Variants in RNF144A observed in about 807,000 individuals in gnomAD.
The protein encoded by RNF144A is ring finger protein 144A, also known as E3 ubiquitin-protein ligase RNF144A.
RNF144A carries 11 observed loss-of-function variants against 38.7 expected under a neutral mutation model. The observed-to-expected ratio is 0.28, with a 90% CI of 0.18 to 0.47. The LOEUF (loss-of-function observed/expected upper bound fraction) is 0.47. RNF144A is among the 20% of genes least tolerant of loss of function. The pLI, the probability that RNF144A is intolerant of heterozygous loss-of-function variation, is 0.99. For synonymous variants in RNF144A, 149 were observed against 143.9 expected (o/e 1.04, Z -0.25); for missense variants, 316 against 377.2 (o/e 0.84, Z 1.34).
chr2:6,976,034 C>T (rs896737549), intron 2 of RNF144A, among the ~76,000 whole-genome samples: 1 of 152,158 alleles, frequency 6.6e-6, no homozygotes, highest in African/African-American at 2.4e-5. Context: ...ATGGTTTAGT[C>T]CACAGCCTGC....
chr2:7,024,185 T>G (rs961833141), intron 6 of RNF144A, among the ~76,000 whole-genome samples, 184 bp from the exon 7 acceptor site: 8 of 135,770 alleles, frequency 5.9e-5, no homozygotes, highest in Non-Finnish European at 1.2e-4. Context: ...ATTCACAGTG[T>G]TCTGGTTAAT....
intron 5 of RNF144A, among the ~76,000 whole-genome samples, chr2:7,015,202 A>T (rs1407916386): frequency 6.6e-6 from 1 of 152,202 alleles, no homozygotes; most frequent in Non-Finnish European, 1.5e-5. Context: ...TCCTAACAAC[A>T]GTCCGATGGT....
At chr2:6,951,317 G>T (rs1190033447) in intron 2 of RNF144A, among the ~76,000 whole-genome samples, 2 of 151,344 alleles carry the variant, frequency 1.3e-5, no homozygotes, top group East Asian at 3.9e-4. Flanking sequence ...AACTTGGTTA[G>T]GTTGCCCACC....
chr2:6,951,845 AT>A (rs1020857755), intron 2 of RNF144A, among the ~76,000 whole-genome samples: 5 of 152,108 alleles, frequency 3.3e-5, no homozygotes, highest in African/African-American at 7.2e-5. Context: ...CATATACTGT[AT>A]TTTTAAATAA....
At chr2:7,051,786 G>A (rs1673537395) in intron 6 of RNF144A, among the ~76,000 whole-genome samples, 4 of 152,210 alleles carry the variant, frequency 2.6e-5, no homozygotes, top group African/African-American at 9.7e-5. Context: ...CTACTTGGGA[G>A]GCTGAGGCAG....
intron 6 of RNF144A, among the ~76,000 whole-genome samples, chr2:7,023,138 C>T (rs1190583767): frequency 1.3e-5 from 2 of 152,208 alleles, no homozygotes; most frequent in African/African-American, 2.4e-5. Flanking sequence ...TAGGATCTGT[C>T]TGTCTCAAGA....
At chr2:7,050,156 C>T (rs1457851400) in intron 6 of RNF144A, among the ~76,000 whole-genome samples, 1 of 152,148 alleles carries the variant, frequency 6.6e-6, no homozygotes, top group Non-Finnish European at 1.5e-5. Context: ...GGCTGTGTCC[C>T]CACCCAAATC....
At chr2:6,977,779 A>G (rs1402087101) in intron 2 of RNF144A, among the ~76,000 whole-genome samples, 1 of 152,228 alleles carries the variant, frequency 6.6e-6, no homozygotes, top group Non-Finnish European at 1.5e-5. Context: ...GCAAATAAAA[A>G]CTACTGCCCT....
chr2:6,990,228 G>A (rs1029819594), intron 2 of RNF144A, among the ~76,000 whole-genome samples: 1 of 152,006 alleles, frequency 6.6e-6, no homozygotes, highest in African/African-American at 2.4e-5. Context: ...GCTTACAGAG[G>A]CTGCCTTCTT....
chr2:7,044,266 A>C, downstream of RNF144A: 2 of 858,280 alleles, frequency 2.3e-6, no homozygotes, highest in Non-Finnish European at 2.8e-6. Context: ...TCAATATTTA[A>C]TCTATTGAAG....
At chr2:7,047,280 G>A (rs1673345151), downstream of RNF144A, among the ~76,000 whole-genome samples, 1 of 152,176 alleles carries the variant, frequency 6.6e-6, no homozygotes, top group Non-Finnish European at 1.5e-5. Context: ...GTGTGTGACT[G>A]TGTGTATGAA....
intron 1 of RNF144A, among the ~76,000 whole-genome samples, chr2:6,932,046 T>C (rs1665237760): frequency 6.6e-6 from 1 of 152,358 alleles, no homozygotes; most frequent in South Asian, 2.1e-4. Context: ...TGGATTTGTC[T>C]GTTTCTCCCT....
intron 2 of RNF144A, among the ~76,000 whole-genome samples, chr2:6,991,485 A>G (rs765513231): frequency 8.5e-5 from 13 of 152,300 alleles, no homozygotes; most frequent in Non-Finnish European, 1.5e-4. Context: ...TTATATCTCT[A>G]CAAATCCAAA....
At position 6,943,335 on chromosome 2, in the gene RNF144A, G is replaced by A. The variant is rs551960604; in HGVS notation, c.-12+2188G>A. The stretch of plus-strand genomic sequence containing the variant: ...TGGAGAGGACTGAGAATGGAGGCTC[G>A]GATCAGTGCCAGGACCAGTGGTCCA... On this transcript the variant is annotated intron_variant, in intron 2 of 8. Coordinates refer to ENST00000320892, the MANE Select transcript of RNF144A (RefSeq NM_014746.6). This position sits in a 1 kb window ranked among gnomAD's most constrained non-coding sequence, Gnocchi z 4.3. Among the ~76,000 whole-genome samples, 8 of 152,168 alleles carry A rather than the reference G, an allele frequency of 5.3e-5. No homozygotes were observed. The East Asian group carries it at 7.7e-4, about 15-fold the overall frequency.
chr2:7,032,728 A>G (rs768721512), intron 8 of RNF144A, among the ~76,000 whole-genome samples: 3 of 152,124 alleles, frequency 2.0e-5, no homozygotes, highest in Non-Finnish European at 1.5e-5. Flanking sequence ...CACGCTAATC[A>G]CCTCATGGTA....
downstream of RNF144A, among the ~76,000 whole-genome samples, chr2:7,048,051 A>T (rs760536792): frequency 6.6e-6 from 1 of 152,150 alleles, no homozygotes; most frequent in Non-Finnish European, 1.5e-5. Flanking sequence ...TTCCTGGGAT[A>T]GTTTAAATCC....
chr2:7,065,122 G>A (rs1416910345), intron 6 of RNF144A, among the ~76,000 whole-genome samples: 2 of 152,192 alleles, frequency 1.3e-5, no homozygotes, highest in Admixed American at 1.3e-4. Flanking sequence ...CATTTTCCAC[G>A]TGTTGACTTA....
intron 2 of RNF144A, among the ~76,000 whole-genome samples, chr2:6,983,370 GCTCAGGTT>G (rs1374925756): frequency 1.3e-5 from 2 of 152,166 alleles, no homozygotes; most frequent in African/African-American, 2.4e-5. Context: ...ATCTCTATGA[GCTCAGGTT>G]CTAAAAGGAG....
intron 2 of RNF144A, among the ~76,000 whole-genome samples, chr2:6,951,349 C>A (rs990823983): frequency 2.0e-5 from 3 of 151,602 alleles, no homozygotes; most frequent in African/African-American, 7.3e-5. Flanking sequence ...GCAGCCTGCT[C>A]TTAATGACTC....
Sources: allele counts gnomAD v4.1 joint callset (sites outside exome capture counted in the v4.1 genomes callset), GRCh38; gene constraint gnomAD v4.1.1; non-coding constraint Gnocchi (gnomAD v3.1); transcripts MANE v1.5; gene names NCBI Gene and HGNC (gene_info 2026-07-23, HGNC 2026-07-21).